EVI5: variants seen among roughly 807,000 people sequenced by gnomAD.
EVI5 encodes the protein ecotropic viral integration site 5.
Under a neutral mutation model 112.0 loss-of-function variants are expected in EVI5, and 73 were observed. The observed-to-expected ratio is 0.65, with a 90% CI of 0.54 to 0.79. EVI5 has a LOEUF of 0.79. Ranked by LOEUF, EVI5 falls within the 30% of genes least tolerant of loss-of-function variation. The pLI is 0.00. For missense variants in EVI5, 900 were observed against 968.8 expected (o/e 0.93, Z 0.94); for synonymous variants, 305 against 319.9 (o/e 0.95, Z 0.50).
chr1:92,668,183 A>G (rs1314498264), intron 10 of EVI5, among the ~76,000 whole-genome samples: 3 of 152,232 alleles, frequency 2.0e-5, no homozygotes, highest in African/African-American at 7.2e-5. Flanking sequence ...GAGTTATTAC[A>G]AAGATACTTG....
intron 16 of EVI5, among the ~76,000 whole-genome samples, chr1:92,622,844 TGAA>T (rs1008795336): frequency 2.6e-5 from 4 of 152,180 alleles, no homozygotes; most frequent in African/African-American, 9.7e-5. Flanking sequence ...ACCACCTAGT[TGAA>T]ATTAATTTTC....
At position 92,736,647 on chromosome 1, in the gene EVI5, T is replaced by C. The variant is rs1217781289; in HGVS notation, c.-81-20A>G. 1.3e-6 allele frequency: 2 copies of C among 1,506,264 alleles called. No homozygotes were observed. Among genetic ancestry groups the C allele is most frequent in the Non-Finnish European group, 1.8e-6 (2 of 1,082,398 alleles). 93.3% of individuals were successfully genotyped at this position (1,506,264 alleles called of 1,614,324 possible). ...CGCCACCTAAGGACAAAAATAAAAG[T>C]TGCATATACTTTAGTTACACTGTAT... On this transcript the variant is annotated intron_variant, in intron 1 of 19. Coordinates refer to ENST00000684568, the MANE Select transcript of EVI5 (RefSeq NM_001350197.2).
chr1:92,649,096 G>A (rs1347680147), intron 13 of EVI5, among the ~76,000 whole-genome samples: 1 of 152,172 alleles, frequency 6.6e-6, no homozygotes, highest in East Asian at 1.9e-4. Context: ...ACCTCATCAT[G>A]GTTTTGCTCT....
intron 19 of EVI5, among the ~76,000 whole-genome samples, chr1:92,558,358 T>C (rs1463548240): frequency 6.6e-6 from 1 of 152,168 alleles, no homozygotes; most frequent in Non-Finnish European, 1.5e-5. Flanking sequence ...GCCTATCTGA[T>C]ATCTTCATTT....
chr1:92,539,269 G>A (rs556099051), intron 19 of EVI5, among the ~76,000 whole-genome samples: 10 of 152,168 alleles, frequency 6.6e-5, no homozygotes, highest in Non-Finnish European at 1.3e-4. Context: ...CCGGCCGGGC[G>A]CAGTGGCTCA....
intron 14 of EVI5, among the ~76,000 whole-genome samples, chr1:92,629,454 C>A (rs990317516): frequency 1.3e-5 from 2 of 152,172 alleles, no homozygotes; most frequent in Non-Finnish European, 2.9e-5. Context: ...AGTTTGTAAT[C>A]TAGAACTTTT....
intron 1 of EVI5, among the ~76,000 whole-genome samples, chr1:92,754,183 G>A (rs1481108290): frequency 6.6e-6 from 1 of 152,112 alleles, no homozygotes; most frequent in South Asian, 2.1e-4. Flanking sequence ...TCAAACATCA[G>A]GCTATCTCAG....
At chr1:92,626,005 T>C (rs920555239) in intron 14 of EVI5, 71 bp from the exon 15 acceptor site, 19 of 909,674 alleles carry the variant, frequency 2.1e-5, no homozygotes, top group Admixed American at 4.3e-5. Flanking sequence ...ACAACAGCTA[T>C]TGTGTTCCAC....
At chr1:92,710,094 A>AAAAAAAAAAAC (rs1045681618) in intron 2 of EVI5, among the ~76,000 whole-genome samples, 1 of 150,230 alleles carries the variant, frequency 6.7e-6, no homozygotes, top group African/African-American at 2.4e-5. Flanking sequence ...AGCAAAAAAA[A>AAAAAAAAAAAC]AAAAAAGGGA....
At chr1:92,572,526 T>A (rs1670462152) in intron 18 of EVI5, among the ~76,000 whole-genome samples, 1 of 152,136 alleles carries the variant, frequency 6.6e-6, no homozygotes, top group Admixed American at 6.5e-5. Flanking sequence ...TGAAAAGATA[T>A]AAGTCCCCCA....
At chr1:92,714,010 T>C (rs1445838336) in intron 2 of EVI5, 2 of 983,796 alleles carry the variant, frequency 2.0e-6, no homozygotes, top group African/African-American at 3.5e-5. Context: ...CATAAATTCA[T>C]CTCTGCCAAA....
chr1:92,768,244 C>T (rs1429923781), intron 1 of EVI5, among the ~76,000 whole-genome samples: 1 of 152,104 alleles, frequency 6.6e-6, no homozygotes, highest in Non-Finnish European at 1.5e-5. Context: ...TCAGACATTT[C>T]TGGGACAAGT....
intron 19 of EVI5, among the ~76,000 whole-genome samples, chr1:92,528,690 C>G (rs979324627): frequency 6.6e-6 from 1 of 152,090 alleles, no homozygotes; most frequent in Non-Finnish European, 1.5e-5. Context: ...GATCCAAAAC[C>G]CCAAATAACT....
intron 2 of EVI5, among the ~76,000 whole-genome samples, chr1:92,716,867 C>A (rs1321733349): frequency 6.8e-6 from 1 of 146,254 alleles, no homozygotes; most frequent in African/African-American, 2.5e-5. Flanking sequence ...AACCAGAGCG[C>A]CTCTTCCCCT....
At chr1:92,654,069 C>T (rs961799719) in intron 13 of EVI5, among the ~76,000 whole-genome samples, 2 of 151,902 alleles carry the variant, frequency 1.3e-5, no homozygotes, top group South Asian at 2.1e-4. Flanking sequence ...ATCCAAGGGC[C>T]GGCTTGGCTG....
At chr1:92,578,869 C>A (rs1231064303) in intron 18 of EVI5, among the ~76,000 whole-genome samples, 4 of 151,970 alleles carry the variant, frequency 2.6e-5, no homozygotes, top group Non-Finnish European at 5.9e-5. Flanking sequence ...CAATATAAAC[C>A]ATGGTTTTGT....
At chr1:92,549,445 C>T (rs888125266) in intron 19 of EVI5, among the ~76,000 whole-genome samples, 5 of 151,584 alleles carry the variant, frequency 3.3e-5, no homozygotes, top group Admixed American at 3.3e-4. Context: ...TGGGCAAGGA[C>T]TTCATGTCTA....
At chr1:92,582,548 A>G (rs966743171) in intron 18 of EVI5, among the ~76,000 whole-genome samples, 2 of 152,116 alleles carry the variant, frequency 1.3e-5, no homozygotes, top group African/African-American at 4.8e-5. Flanking sequence ...TGTAGGAATG[A>G]AAGAGCTTGA....
At chr1:92,688,371 T>TATA (rs1225270432) in intron 9 of EVI5, among the ~76,000 whole-genome samples, 15 of 151,922 alleles carry the variant, frequency 9.9e-5, no homozygotes, top group African/African-American at 2.4e-4. Flanking sequence ...GAACTTAAAG[T>TATA]ATAATAATAA....
Sources: gnomAD v4.1 joint callset for allele counts (sites outside exome capture counted in the v4.1 genomes callset) on GRCh38, gnomAD v4.1.1 for gene constraint, MANE v1.5 for transcripts, NCBI Gene and HGNC (gene_info 2026-07-23, HGNC 2026-07-21) for gene names.